Variants in DPF3 observed in about 807,000 individuals in gnomAD.
The protein encoded by DPF3 is zinc finger protein DPF3.
In DPF3, 18 loss-of-function variants were observed where a neutral mutation model predicts 56.8. The observed-to-expected ratio is 0.32, with a 90% CI of 0.22 to 0.47. The LOEUF is 0.47. Among genes scored for constraint, DPF3 ranks in the 20% least tolerant of loss-of-function variants. The probability of loss-of-function intolerance (pLI) is 1.00; values close to 1 mark genes in which losing one functional copy is unlikely to be tolerated. For synonymous variants in DPF3, 188 were observed against 180.2 expected, an observed-to-expected ratio of 1.04 and a Z score of -0.35; for missense variants, 403 against 488.8, an observed-to-expected ratio of 0.82 and a Z score of 1.65.
At chr14:72,662,917 G>A in intron 8 of DPF3, 4 of 812,190 alleles carry the variant, frequency 4.9e-6, no homozygotes, top group Non-Finnish European at 5.9e-6. Flanking sequence ...AAAATTAAGG[G>A]GTGACAGAAA....
intron 5 of DPF3, among the ~76,000 whole-genome samples, chr14:72,719,398 A>G (rs1193610284): frequency 6.6e-6 from 1 of 152,130 alleles, no homozygotes; most frequent in East Asian, 1.9e-4. Context: ...TCCTGACACC[A>G]GCAGCTCCAG....
chr14:72,840,530 T>TACAC (rs372891838), intron 1 of DPF3, among the ~76,000 whole-genome samples: 6 of 151,946 alleles, frequency 3.9e-5, no homozygotes, highest in African/African-American at 1.2e-4. Context: ...CATGTAATTT[T>TACAC]ACACACACAC....
chr14:72,872,991 C>A (rs1885962930), intron 1 of DPF3, among the ~76,000 whole-genome samples: 1 of 152,198 alleles, frequency 6.6e-6, no homozygotes, highest in Non-Finnish European at 1.5e-5. Context: ...CTAGGCAATA[C>A]CATTCAGGAC....
intron 7 of DPF3, among the ~76,000 whole-genome samples, chr14:72,675,143 A>T (rs1469387335): frequency 6.6e-6 from 1 of 152,238 alleles, no homozygotes; most frequent in African/African-American, 2.4e-5. Context: ...CTAACTTCAA[A>T]ACCCACTCCT....
chr14:72,619,453 G>A (rs763856173), intron 10 of DPF3, 86 bp from the exon 11 acceptor site: 28 of 1,439,436 alleles, frequency 1.9e-5, no homozygotes, highest in Non-Finnish European at 2.5e-5. Context: ...TGTAAATCCT[G>A]TTTCCTTTGA....
intron 8 of DPF3, among the ~76,000 whole-genome samples, chr14:72,660,373 A>T (rs1363768502): frequency 6.6e-6 from 1 of 152,256 alleles, no homozygotes; most frequent in East Asian, 1.9e-4. Context: ...GCAGCATTAC[A>T]GTGTCATGTT....
chr14:72,882,319 A>T (rs1472726425), intron 1 of DPF3, among the ~76,000 whole-genome samples: 1 of 152,136 alleles, frequency 6.6e-6, no homozygotes, highest in Non-Finnish European at 1.5e-5. Context: ...TTTTTTCTGC[A>T]GCTAGTTTTT....
At position 72,723,727 on chromosome 14, in the gene DPF3, C is replaced by A; in HGVS notation, c.431G>T (p.Arg144Met). ...REEESIQEIQ[R>M]VLENDENVEE... Reference sequence around the variant, plus strand: ...TACATTTTCATCATTTTCCAAAACCCTCTGAAATGAAAAAAAAAAATAGAA... The same window carrying A: ...TACATTTTCATCATTTTCCAAAACCATCTGAAATGAAAAAAAAAAATAGAA... The change falls in exon 5 of 11, where the codon AGG becomes ATG. Residue 144 changes from arginine (R) to methionine (M), a missense_variant and splice_region_variant. Arg to Met is a moderately conservative substitution (Grantham distance 91). Coordinates refer to ENST00000556509, the MANE Select transcript of DPF3 (RefSeq NM_001280542.3). 1 of 1,565,722 alleles carries A rather than the reference C, an allele frequency of 6.4e-7. No homozygotes were observed. The highest frequency in any genetic ancestry group is 8.6e-7 in the Non-Finnish European group (1 of 1,165,498).
chr14:72,707,112 T>G (rs1888438495), intron 6 of DPF3, among the ~76,000 whole-genome samples: 1 of 152,118 alleles, frequency 6.6e-6, no homozygotes, highest in African/African-American at 2.4e-5. Context: ...TTACTGAGAA[T>G]GATGGTTTCC....
intron 6 of DPF3, among the ~76,000 whole-genome samples, chr14:72,704,023 C>A (rs1440296306): frequency 1.3e-5 from 2 of 152,148 alleles, no homozygotes; most frequent in East Asian, 3.8e-4. Flanking sequence ...TCTTGGAAAC[C>A]CACTAAGGTT....
At chr14:72,728,553 G>GT (rs1169924904) in intron 4 of DPF3, among the ~76,000 whole-genome samples, 2 of 152,166 alleles carry the variant, frequency 1.3e-5, no homozygotes, top group Non-Finnish European at 2.9e-5. Context: ...GGAAACAACA[G>GT]TTTTTTAGCA....
chr14:72,736,844 TA>T (rs1451125363), intron 3 of DPF3, among the ~76,000 whole-genome samples: 1 of 152,118 alleles, frequency 6.6e-6, no homozygotes, highest in East Asian at 1.9e-4. Context: ...ATTGAACCTT[TA>T]ACATTAAAAG....
In DPF3 at chr14:72,612,011, A is replaced by T. The variant is rs567035964; in HGVS notation, c.*7286T>A. ...GCATGCGGTTTATTTTCCAGCCCCTACAGGACCTAGAGCATTGCCTCGCAC... is the reference window on the plus strand; with the variant it reads ...GCATGCGGTTTATTTTCCAGCCCCTTCAGGACCTAGAGCATTGCCTCGCAC... On this transcript the variant is annotated 3_prime_UTR_variant, in exon 11 of 11. Coordinates refer to ENST00000556509, the MANE Select transcript of DPF3 (RefSeq NM_001280542.3). Among the ~76,000 whole-genome samples, 3 of 152,310 alleles carry T rather than the reference A, an allele frequency of 2.0e-5. No individual in the cohort carries two copies. The highest frequency in any genetic ancestry group is 7.2e-5 in the African/African-American group (3 of 41,576).
intron 1 of DPF3, among the ~76,000 whole-genome samples, chr14:72,849,113 G>C (rs1802489658): frequency 6.6e-6 from 1 of 152,184 alleles, no homozygotes; most frequent in South Asian, 2.1e-4. Context: ...AACCCAAGTT[G>C]TTTGAGCCTA....
At chr14:72,855,842 A>C (rs1448184581) in intron 1 of DPF3, among the ~76,000 whole-genome samples, 1 of 152,232 alleles carries the variant, frequency 6.6e-6, no homozygotes, top group Admixed American at 6.5e-5. Flanking sequence ...CTGAGAACTC[A>C]TACCTTTCGG....
intron 2 of DPF3, among the ~76,000 whole-genome samples, chr14:72,761,342 A>G (rs1206177050): frequency 1.3e-5 from 2 of 152,104 alleles, no homozygotes; most frequent in South Asian, 4.1e-4. Context: ...AGTTGCAATA[A>G]ATTTAAAAGA....
chr14:72,846,027 C>T (rs1272417231), intron 1 of DPF3, among the ~76,000 whole-genome samples: 1 of 152,146 alleles, frequency 6.6e-6, no homozygotes. Flanking sequence ...TAGGAGGTCT[C>T]ACTGCCCACC....
At chr14:72,800,931 T>C in intron 1 of DPF3, among the ~76,000 whole-genome samples, 1 of 152,104 alleles carries the variant, frequency 6.6e-6, no homozygotes. Context: ...TCTGACAATA[T>C]AGGAAAGGAG....
chr14:72,838,038 C>T (rs1045791312), intron 1 of DPF3, among the ~76,000 whole-genome samples: 1 of 152,186 alleles, frequency 6.6e-6, no homozygotes, highest in Non-Finnish European at 1.5e-5. Context: ...CAAGCAGTGG[C>T]TCCAGTGCCA....
Sources: allele counts gnomAD v4.1 joint callset (sites outside exome capture counted in the v4.1 genomes callset), GRCh38; gene constraint gnomAD v4.1.1; transcripts MANE v1.5; gene names NCBI Gene and HGNC (gene_info 2026-07-23, HGNC 2026-07-21).